The following POR variants were observed in gnomAD, a reference collection of about 807,000 sequenced individuals.
POR encodes cytochrome p450 oxidoreductase.
POR carries 56 observed loss-of-function variants against 84.0 expected under a neutral mutation model. That is an observed-to-expected ratio of 0.67 (90% CI 0.54 to 0.83). The LOEUF is 0.83. Among genes scored for constraint, POR ranks in the 40% least tolerant of loss-of-function variants. The pLI is 0.00. For synonymous variants in POR, 414 were observed against 400.5 expected (o/e 1.03, Z -0.40); for missense variants, 938 against 944.3 (o/e 0.99, Z 0.09).
chr7:75,916,910 G>T (rs2116164098), intron 1 of POR, among the ~76,000 whole-genome samples: 1 of 152,222 alleles, frequency 6.6e-6, no homozygotes, highest in Middle Eastern at 3.4e-3. Flanking sequence ...ACTCTGGGTT[G>T]ATCCACCCTT....
chr7:75,925,168 G>T (rs1807055180), intron 1 of POR, among the ~76,000 whole-genome samples: 1 of 152,078 alleles, frequency 6.6e-6, no homozygotes, highest in African/African-American at 2.4e-5. Flanking sequence ...AAGAAGGATG[G>T]GGTTACATAG....
intron 1 of POR, chr7:75,945,412 C>T (rs1787132531): frequency 6.6e-6 from 1 of 152,190 alleles, no homozygotes; most frequent in South Asian, 2.1e-4. Context: ...AAGAAATCTG[C>T]ACCAACATCT....
intron 1 of POR, among the ~76,000 whole-genome samples, chr7:75,926,743 G>C (rs1807151511): frequency 6.6e-6 from 1 of 152,112 alleles, no homozygotes. Context: ...GCAGTGAGCT[G>C]AGGTTGCGCC....
chr7:75,934,284 A>G (rs540087199), intron 1 of POR, among the ~76,000 whole-genome samples: 8 of 152,094 alleles, frequency 5.3e-5, no homozygotes, highest in Admixed American at 6.6e-5. Context: ...TAATTCCCTT[A>G]TAACAAGATC....
chr7:75,966,947 G>T (rs889514573), intron 2 of POR, among the ~76,000 whole-genome samples: 1 of 152,102 alleles, frequency 6.6e-6, no homozygotes, highest in African/African-American at 2.4e-5. Context: ...ACCTCTGTAC[G>T]GCTGGAGCCT....
intron 1 of POR, among the ~76,000 whole-genome samples, chr7:75,923,767 A>G (rs1237880058): frequency 6.6e-6 from 1 of 152,126 alleles, no homozygotes; most frequent in African/African-American, 2.4e-5. Flanking sequence ...ACACGCCTGT[A>G]ATCCCAGCTA....
chr7:75,948,451 C>T (rs1787274639), intron 1 of POR, among the ~76,000 whole-genome samples: 1 of 152,138 alleles, frequency 6.6e-6, no homozygotes, highest in African/African-American at 2.4e-5. Context: ...CTTCGTTTTG[C>T]GTGTTAGTTT....
At chr7:75,963,003 A>G (rs1788010044) in intron 2 of POR, among the ~76,000 whole-genome samples, 1 of 152,154 alleles carries the variant, frequency 6.6e-6, no homozygotes, top group South Asian at 2.1e-4. Context: ...TGCTTTTGAA[A>G]AGCCACAAAA....
intron 1 of POR, among the ~76,000 whole-genome samples, chr7:75,951,069 C>T (rs1213959319): frequency 2.9e-5 from 2 of 68,036 alleles, no homozygotes; most frequent in Admixed American, 1.4e-4. Flanking sequence ...CCGGCCCCCC[C>T]CCCCCCCGAA....
intron 2 of POR, chr7:75,967,718 G>A (rs955174510): frequency 3.2e-5 from 7 of 221,454 alleles, no homozygotes; most frequent in South Asian, 6.4e-5. Flanking sequence ...AAGGAGACCC[G>A]AGTCGGGGTT....
In POR at chr7:75,986,567, GCTTGGC is replaced by G; in HGVS notation, c.*93_*98del. On this transcript the variant is annotated 3_prime_UTR_variant, in exon 16 of 16. Coordinates refer to ENST00000461988, the MANE Select transcript of POR (RefSeq NM_000941.3). The stretch of plus-strand genomic sequence containing the variant: ...TCCCGTAGTCTCCTGGGTGTGTTTG[GCTTGGC>G]CTTGGCATGGGCGCAGGCCCAGTGA... The G allele has an allele frequency of 6.6e-7, 1 of 1,508,286 alleles. No homozygotes were observed. Among genetic ancestry groups the G allele is most frequent in the Non-Finnish European group, 8.9e-7 (1 of 1,125,044 alleles). The allele number at this position is 1,508,286 out of a possible 1,614,324, so 93.4% of individuals were successfully genotyped here.
chr7:75,917,383 CT>C lies in POR; in HGVS notation c.-5+2222del, dbSNP rs373478392. ...GTTCCTGGCTTTCTTATTTCTTCTT[CT>C]TTTTTTTTTTTTTTTTTCTGATGGA... is the stretch of plus-strand genomic sequence containing the variant. On this transcript the variant is annotated intron_variant, in intron 1 of 15. Transcript: ENST00000461988. Among the ~76,000 whole-genome samples, 168 of 115,234 alleles carry C rather than the reference CT, an allele frequency of 1.5e-3. 1 individual carries two copies. Among genetic ancestry groups the C allele is most frequent in the African/African-American group, 4.3e-3 (80 of 18,514 alleles). 75.6% of individuals were successfully genotyped at this position (115,234 alleles called of 152,430 possible).
At chr7:75,922,096 C>T (rs561619633) in intron 1 of POR, among the ~76,000 whole-genome samples, 1 of 152,250 alleles carries the variant, frequency 6.6e-6, no homozygotes, top group African/African-American at 2.4e-5. Context: ...ATTCTCCCCT[C>T]CCTAGTGGCA....
intron 1 of POR, among the ~76,000 whole-genome samples, chr7:75,939,535 G>C (rs1248180411): frequency 8.0e-6 from 1 of 124,756 alleles, no homozygotes; most frequent in Admixed American, 7.7e-5. Context: ...CTACTCAACA[G>C]CTTTTTTTTT....
chr7:75,916,200 T>G (rs1291717737), intron 1 of POR, among the ~76,000 whole-genome samples: 1 of 152,152 alleles, frequency 6.6e-6, no homozygotes, highest in Non-Finnish European at 1.5e-5. Context: ...GGGTTGAGAT[T>G]CTGAGGATCA....
intron 3 of POR, among the ~76,000 whole-genome samples, chr7:75,977,770 T>A (rs1393001283): frequency 2.0e-5 from 3 of 152,060 alleles, no homozygotes; most frequent in Non-Finnish European, 4.4e-5. Context: ...AGAGCGAGAC[T>A]CCGTCTCACA....
At chr7:75,947,708 G>A (rs1230277721) in intron 1 of POR, among the ~76,000 whole-genome samples, 1 of 152,070 alleles carries the variant, frequency 6.6e-6, no homozygotes, top group African/African-American at 2.4e-5. Context: ...TAGTTATTGC[G>A]CCCTGGATTC....
chr7:75,937,052 A>C (rs1807727463), intron 1 of POR, among the ~76,000 whole-genome samples: 1 of 151,032 alleles, frequency 6.6e-6, no homozygotes, highest in Non-Finnish European at 1.5e-5. Context: ...TGGTCTCGAT[A>C]TCCTGACTTC....
intron 2 of POR, among the ~76,000 whole-genome samples, chr7:75,957,608 C>A (rs1463573023): frequency 6.6e-6 from 1 of 152,178 alleles, no homozygotes; most frequent in African/African-American, 2.4e-5. Context: ...TGTCACCTCC[C>A]TGGCCTTACA....
Sources: allele counts gnomAD v4.1 joint callset (sites outside exome capture counted in the v4.1 genomes callset), GRCh38; gene constraint gnomAD v4.1.1; transcripts MANE v1.5; gene names NCBI Gene and HGNC (gene_info 2026-07-23, HGNC 2026-07-21).